Variants in OBSL1 observed in about 807,000 individuals in gnomAD.
OBSL1 encodes the protein obscurin like cytoskeletal adaptor 1, also known as obscurin-like protein 1.
In OBSL1, 160 loss-of-function variants were observed where a neutral mutation model predicts 172.0. That is an observed-to-expected ratio of 0.93 (90% confidence interval 0.82 to 1.06). The LOEUF is 1.06. Among genes scored for constraint, OBSL1 ranks in the 50% least tolerant of loss-of-function variants. The pLI is 0.00. For missense variants in OBSL1, 2,681 were observed against 2,715.4 expected, an observed-to-expected ratio of 0.99 and a Z score of 0.28; for synonymous variants, 1,200 against 1,196.3, an observed-to-expected ratio of 1.00 and a Z score of -0.06.
downstream of OBSL1, chr2:219,549,119 C>T (rs1385593359): frequency 6.2e-7 from 1 of 1,612,376 alleles, no homozygotes; most frequent in East Asian, 2.2e-5. Flanking sequence ...GCGCACCGTC[C>T]TCTGAGCTCC....
chr2:219,563,355 C>G lies in OBSL1; in HGVS notation c.2680G>C (p.Asp894His), dbSNP rs1356208725. ...ECAYFTVTIT[D>H]VSSWIVYPSG... ...CTCCGAGGCCCACCTGGCCCCCCAC[C>G]TGTGATGGTGACAGTGAAGTAGGCA... Residue 894 changes from aspartate (D) to histidine (H), a missense_variant and splice_region_variant, in exon 7 of 21, where the codon GAC becomes CAC. Physicochemically the swap from Asp to His is moderately conservative, Grantham distance 81 (BLOSUM62 -1). This residue lies in a region of OBSL1 where 1,765 missense variants were observed against 1,748.3 expected (regional missense o/e 1.01). Coordinates refer to ENST00000404537, the MANE Select transcript of OBSL1 (RefSeq NM_015311.3). 4 of 1,562,324 alleles carry G rather than the reference C, an allele frequency of 2.6e-6. No individual in the cohort carries two copies. The highest frequency in any genetic ancestry group is 3.5e-6 in the Non-Finnish European group (4 of 1,149,524).
rs574616946 is a variant in OBSL1, at chr2:219,556,005, G to C, written c.4609+15C>G. ...GTAGGGTGGGTAATGCATTAAGAGA[G>C]GACGGGGCACTCACGCCTCACGCTG... On this transcript the variant is annotated intron_variant, in intron 14 of 20. Coordinates refer to ENST00000404537, the MANE Select transcript of OBSL1 (RefSeq NM_015311.3). 3 of 1,612,706 alleles carry C rather than the reference G, an allele frequency of 1.9e-6. No individual in the cohort carries two copies. In the East Asian group the frequency reaches 6.7e-5, roughly 36 times the overall value.
downstream of OBSL1, chr2:219,549,456 CCTGTTTGTCCATGAA>C: frequency 7.1e-7 from 1 of 1,403,650 alleles, no homozygotes; most frequent in Non-Finnish European, 9.6e-7. Flanking sequence ...ATCTAGAAGG[CCTGTTTGTCCATGAA>C]CTGTTTGTCC....
At position 219,565,297 on chromosome 2, in the gene OBSL1, G is replaced by A. The variant is rs779837080; in HGVS notation, c.2352C>T (p.Gly784=). ...ILPEAKVQDS[G]EFECRTEGVS... ...CCCCTTCTGTCCTGCACTCAAACTC[G>A]CCACTGTCCTGGACTTTGGCCTCAG... The change falls in exon 6 of 21, where the codon GGC becomes GGT. Residue 784 remains glycine (G), a synonymous_variant. Coordinates refer to ENST00000404537, the MANE Select transcript of OBSL1 (RefSeq NM_015311.3). 4.3e-6 allele frequency: 7 copies of A among 1,613,812 alleles called. No individual in the cohort carries two copies. The highest frequency in any genetic ancestry group is 3.3e-5 in the Admixed American group (2 of 60,006).
intron 19 of OBSL1, 129 bp downstream of exon 19, chr2:219,551,983 G>T: frequency 9.5e-7 from 1 of 1,048,622 alleles, no homozygotes; most frequent in Non-Finnish European, 1.4e-6. Flanking sequence ...CTGTGACCCG[G>T]CCCAGGAGAG....
At position 219,568,093 on chromosome 2, in the gene OBSL1, C is replaced by T. The variant is rs773468921; in HGVS notation, c.1244G>A (p.Arg415Gln). 12 of 1,612,350 alleles carry T rather than the reference C, an allele frequency of 7.4e-6. No individual in the cohort carries two copies. The highest frequency in any genetic ancestry group is 6.7e-5 in the East Asian group (3 of 44,828). ...GTTGGCCACGGTGCGCACCCGGCCC[C>T]GCATCTCGCACAGGTAGATACCATC... ...DDDGIYLCEM[R>Q]GRVRTVANVT... The change falls in exon 2 of 21, where the codon CGG becomes CAG. Residue 415 changes from arginine (R) to glutamine (Q), a missense_variant. By Grantham distance (43) the Arg-to-Gln change is conservative. Around this residue, in one of 5 missense-constraint regions of OBSL1, gnomAD observed 706 missense variants for 695.8 expected, o/e 1.01. Coordinates refer to ENST00000404537, the MANE Select transcript of OBSL1 (RefSeq NM_015311.3). The surrounding 1 kb of genome is among the most constrained non-coding windows in gnomAD (Gnocchi z 4.1).
At position 219,570,805 on chromosome 2, in the gene OBSL1, G is replaced by A; in HGVS notation, c.428C>T (p.Ala143Val). 2.0e-6 allele frequency: 3 copies of A among 1,489,752 alleles called. No individual in the cohort carries two copies. Among genetic ancestry groups the A allele is most frequent in the South Asian group, 1.3e-5 (1 of 78,196 alleles). 92.3% of individuals were successfully genotyped at this position (1,489,752 alleles called of 1,614,324 possible). A position where few individuals can be genotyped will look rare whatever the true frequency, so the allele number is the denominator to read the frequency against. ...GPRSQWVLRG[A>V]EVVLTCRAGG... ...CGCCCGGCACGTCAGCACCACCTCC[G>A]CCCCCCGCAGCACCCACTGGGATCG... The change falls in exon 1 of 21, where the codon GCG (alanine) becomes GTG (valine). Residue 143 changes from alanine to valine, a missense_variant. Physicochemically the swap from Ala to Val is moderately conservative, Grantham distance 64. Transcript: ENST00000404537.
chr2:219,565,157 A>G (rs987643126), intron 6 of OBSL1, 85 bp downstream of exon 6: 7 of 1,415,316 alleles, frequency 4.9e-6, no homozygotes, highest in East Asian at 2.5e-5. Context: ...GACTCCCCCA[A>G]GTAGGCAGCA....
Position 219,551,581 on chromosome 2 carries a change from A to T in OBSL1, c.5631T>A (p.Thr1877=), listed in dbSNP as rs536705393. 6.2e-7 allele frequency: 1 copy of T among 1,607,468 alleles called. No individual in the cohort carries two copies. Among genetic ancestry groups the T allele is most frequent in the South Asian group, 1.1e-5 (1 of 89,636 alleles). The change falls in exon 20 of 21, where the codon ACT becomes ACA. Residue 1877 remains threonine, a synonymous_variant. Transcript: ENST00000404537. ...TGTCCTGGCCGGCCTGGCAGCAGTA[A>T]GTGCCTTGGTCCTCAGGTCGAACGT... ...IHDVRPEDQG[T]YCCQAGQDST...
intron 20 of OBSL1, chr2:219,551,310 T>TGGGAACAGCTGACC (rs1559130659): frequency 7.1e-7 from 1 of 1,408,338 alleles, no homozygotes; most frequent in Non-Finnish European, 9.2e-7. Flanking sequence ...CGTAGAAAGG[T>TGGGAACAGCTGACC]GGGAACAGCT....
chr2:219,569,998 G>A (rs987356119), intron 1 of OBSL1, among the ~76,000 whole-genome samples: 2 of 152,212 alleles, frequency 1.3e-5, no homozygotes, highest in South Asian at 2.1e-4. Context: ...CATCTGCCTC[G>A]GAATCATTTA....
At position 219,562,625 on chromosome 2, in the gene OBSL1, G is replaced by A. The variant is rs10804275; in HGVS notation, c.2730C>T (p.Ala910=). 17 of 1,588,786 alleles carry A rather than the reference G, an allele frequency of 1.1e-5. No individual in the cohort carries two copies. The African/African-American group carries it at 1.7e-4, about 16-fold the overall frequency. ...VYPSGKVYVA[A]VRLERVVLTC... is the part of the protein sequence containing the mutation. ...TCAGCACCACACGCTCCAGGCGCACGGCTGCCACATACACCTTGCCGCTGG... is the reference window on the plus strand; with the variant it reads ...TCAGCACCACACGCTCCAGGCGCACAGCTGCCACATACACCTTGCCGCTGG... The change falls in exon 8 of 21, where the codon GCC becomes GCT. Residue 910 remains alanine, a synonymous_variant. Transcript: ENST00000404537.
chr2:219,550,539 C>A, downstream of OBSL1: 1 of 452,064 alleles, frequency 2.2e-6, no homozygotes, highest in Non-Finnish European at 4.0e-6. Context: ...TCTCCCCCAC[C>A]CCACTCTGTT....
At position 219,567,945 on chromosome 2, in the gene OBSL1, C is replaced by T. The variant is rs760634144; in HGVS notation, c.1307G>A (p.Arg436Gln). 19 of 1,613,704 alleles carry T rather than the reference C, an allele frequency of 1.2e-5. No homozygotes were observed. The highest frequency in any genetic ancestry group is 9.3e-5 in the African/African-American group (7 of 74,928). ...CTCTCCTTCCAGGACGTCGAGCTTCCGGGGCAGGCGCTTCAGGATGGGCCC... is the reference window on the plus strand; with the variant it reads ...CTCTCCTTCCAGGACGTCGAGCTTCTGGGGCAGGCGCTTCAGGATGGGCCC... The part of the protein sequence containing the change: ...VKGPILKRLP[R>Q]KLDVLEGENA... The change falls in exon 3 of 21, where the codon CGG becomes CAG. Residue 436 changes from arginine to glutamine, a missense_variant. Physicochemically the swap from Arg to Gln is conservative, Grantham distance 43. This residue lies in a region of OBSL1 where 706 missense variants were observed against 695.8 expected (regional missense o/e 1.01). Transcript: ENST00000404537.
chr2:219,563,526 G>C lies in OBSL1; in HGVS notation c.2509C>G (p.Pro837Ala). 1 of 1,613,886 alleles carries C rather than the reference G, an allele frequency of 6.2e-7. No homozygotes were observed. The highest frequency in any genetic ancestry group is 8.5e-7 in the Non-Finnish European group (1 of 1,179,888). ...TGCCCGTCCTTGTACCAACGCACAG[G>C]GGCGTCCTCTCGGTCCACCTCACAG... is the stretch of plus-strand genomic sequence containing the variant. The part of the protein sequence containing the change: ...LACEVDREDA[P>A]VRWYKDGQEV... The change falls in exon 7 of 21, where the codon CCT becomes GCT. Residue 837 changes from proline (P) to alanine (A), a missense_variant. Pro to Ala is a conservative substitution (Grantham distance 27). Around this residue, in one of 5 missense-constraint regions of OBSL1, gnomAD observed 1,765 missense variants for 1,748.3 expected, o/e 1.01. Coordinates refer to ENST00000404537, the MANE Select transcript of OBSL1 (RefSeq NM_015311.3).
In OBSL1 at chr2:219,551,674, G is replaced by T; in HGVS notation, c.5538C>A (p.Ala1846=). ...GGHVCWLREG[A]ELCPGDKYEM... The stretch of plus-strand genomic sequence containing the variant: ...CATACTTATCTCCCGGGCACAGCTC[G>T]GCCCCCTCCCGCAGCCAGCACACGT... The change falls in exon 20 of 21, where the codon GCC becomes GCA. Residue 1846 remains alanine (A), a synonymous_variant. Coordinates refer to ENST00000404537, the MANE Select transcript of OBSL1 (RefSeq NM_015311.3). The T allele has an allele frequency of 6.2e-7, 1 of 1,611,140 alleles. No homozygotes were observed. The highest frequency in any genetic ancestry group is 8.5e-7 in the Non-Finnish European group (1 of 1,179,258).
chr2:219,567,946 G>C lies in OBSL1; in HGVS notation c.1306C>G (p.Arg436Gly). ...VKGPILKRLP[R>G]KLDVLEGENA... ...TCTCCTTCCAGGACGTCGAGCTTCC[G>C]GGGCAGGCGCTTCAGGATGGGCCCT... The change falls in exon 3 of 21, where the codon CGG (arginine) becomes GGG (glycine). Residue 436 changes from arginine (R) to glycine (G), a missense_variant. Arg to Gly is a moderately radical substitution (Grantham distance 125, BLOSUM62 -2). This residue lies in a region of OBSL1 where 706 missense variants were observed against 695.8 expected (regional missense o/e 1.01). Transcript: ENST00000404537. 8 of 1,613,824 alleles carry C rather than the reference G, an allele frequency of 5.0e-6. No individual in the cohort carries two copies. The highest frequency in any genetic ancestry group is 6.8e-6 in the Non-Finnish European group (8 of 1,179,884).
rs773304146 is a variant in OBSL1 at position 219,562,378 on chromosome 2, CG to C, written c.2953+23del. The C allele has an allele frequency of 1.9e-6, 3 of 1,607,300 alleles. No homozygotes were observed. In the Admixed American group the frequency reaches 5.0e-5, roughly 27 times the overall value. The stretch of plus-strand genomic sequence containing the variant: ...GGGCTCAGGGCTGTCTCTGTGACCC[CG>C]GGGAGCTGGGCTGGGCCCACACCTG... On this transcript the variant is annotated intron_variant, in intron 8 of 20. Coordinates refer to ENST00000404537, the MANE Select transcript of OBSL1 (RefSeq NM_015311.3).
rs546577089 is a variant in OBSL1 at position 219,562,777 on chromosome 2, A to C, written c.2681-103T>G. On this transcript the variant is annotated intron_variant, in intron 7 of 20. Transcript: ENST00000404537. ...CCCTGGAAAGTAGGCCATGTGTTGA[A>C]GAGGGACCTTCCTGAGACCAAATCT... 208 of 1,289,012 alleles carry C rather than the reference A, an allele frequency of 1.6e-4. 4 individuals carry two copies. The Admixed American group carries it at 2.5e-3, about 16-fold the overall frequency. The allele number at this position is 1,289,012 out of a possible 1,614,324, so 79.8% of individuals were successfully genotyped here. A position where few individuals can be genotyped will look rare whatever the true frequency, so the allele number is the denominator to read the frequency against.
Sources: allele counts gnomAD v4.1 joint callset (sites outside exome capture counted in the v4.1 genomes callset), GRCh38; gene constraint gnomAD v4.1.1; regional missense constraint gnomAD v4.1.1; non-coding constraint Gnocchi (gnomAD v3.1); transcripts MANE v1.5; gene names NCBI Gene and HGNC (gene_info 2026-07-23, HGNC 2026-07-21).